The following RFX3 variants were observed in gnomAD, a reference collection of about 807,000 sequenced individuals.
The protein encoded by RFX3 is transcription factor RFX3.
Under a neutral mutation model 98.6 loss-of-function variants are expected in RFX3, and 14 were observed. The ratio of observed to expected loss-of-function variants is 0.14; its 90% CI spans 0.09 to 0.22. The LOEUF (loss-of-function observed/expected upper bound fraction) is 0.22, where lower values mean the gene tolerates loss of function less well. Among genes scored for constraint, RFX3 ranks in the 10% least tolerant of loss-of-function variants. The pLI is 1.00. For missense variants in RFX3, 639 were observed against 926.9 expected (o/e 0.69, Z 4.03); for synonymous variants, 383 against 328.4 (o/e 1.17, Z -1.80).
intron 2 of RFX3, among the ~76,000 whole-genome samples, chr9:3,386,924 C>T (rs1016831926): frequency 6.6e-6 from 1 of 152,138 alleles, no homozygotes; most frequent in Non-Finnish European, 1.5e-5. Flanking sequence ...GAAGGTATCA[C>T]AAATGAGTCA....
At chr9:3,350,213 C>G (rs562064363) in intron 2 of RFX3, among the ~76,000 whole-genome samples, 4 of 152,092 alleles carry the variant, frequency 2.6e-5, no homozygotes, top group Admixed American at 6.6e-5. Context: ...ATTTGCAATA[C>G]TGATCTGATT....
At chr9:3,484,267 T>TA (rs1473318829) in intron 1 of RFX3, among the ~76,000 whole-genome samples, 1 of 152,170 alleles carries the variant, frequency 6.6e-6, no homozygotes, top group African/African-American at 2.4e-5. Context: ...ACATAAAAAT[T>TA]AAATGAGTTC....
chr9:3,503,843 T>C (rs1232896164), intron 1 of RFX3, among the ~76,000 whole-genome samples: 1 of 152,040 alleles, frequency 6.6e-6, no homozygotes, highest in Non-Finnish European at 1.5e-5. Flanking sequence ...AGCCATCATA[T>C]GCAAAGATTC....
At chr9:3,485,641 A>T (rs1368066185) in intron 1 of RFX3, among the ~76,000 whole-genome samples, 1 of 152,184 alleles carries the variant, frequency 6.6e-6, no homozygotes, top group East Asian at 1.9e-4. Context: ...TCTGTCTATA[A>T]TCCCAAATTT....
At position 3,221,811 on chromosome 9, in the gene RFX3, A is replaced by C. The variant is rs1006274081; in HGVS notation, c.*3231T>G. On this transcript the variant is annotated 3_prime_UTR_variant, in exon 17 of 17. Transcript: ENST00000617270. ...ATGATACTCAATCCTATCATATGAA[A>C]ATATCTTTTCTGAAACTTGAAAACA... 1 of 152,320 alleles carries C rather than the reference A, an allele frequency of 6.6e-6. No homozygotes were observed. Among genetic ancestry groups the C allele is most frequent in the Admixed American group, 6.5e-5 (1 of 15,296 alleles). 9.4% of individuals were successfully genotyped at this position (152,320 alleles called of 1,614,324 possible).
intron 1 of RFX3, among the ~76,000 whole-genome samples, chr9:3,487,957 T>C (rs1850411087): frequency 6.6e-6 from 1 of 152,172 alleles, no homozygotes; most frequent in Admixed American, 6.6e-5. Context: ...AATAAGATGC[T>C]ACACACAAAA....
At chr9:3,315,364 A>T (rs1010918787) in intron 4 of RFX3, among the ~76,000 whole-genome samples, 2 of 152,244 alleles carry the variant, frequency 1.3e-5, no homozygotes, top group Non-Finnish European at 2.9e-5. Flanking sequence ...TCTAGGACAC[A>T]TTTAAAGCAG....
At chr9:3,494,908 T>C (rs530887058) in intron 1 of RFX3, among the ~76,000 whole-genome samples, 4 of 152,146 alleles carry the variant, frequency 2.6e-5, no homozygotes, top group African/African-American at 9.6e-5. Context: ...GAAGCATTTA[T>C]ATATAGTGTA....
chr9:3,274,104 A>C (rs577466605), intron 9 of RFX3, among the ~76,000 whole-genome samples: 30 of 152,302 alleles, frequency 2.0e-4, no homozygotes, highest in Admixed American at 1.5e-3. Context: ...ATTCCAAGGA[A>C]TGTTGGGAAC....
intron 1 of RFX3, among the ~76,000 whole-genome samples, chr9:3,459,862 A>G (rs1847530002): frequency 6.6e-6 from 1 of 152,058 alleles, no homozygotes; most frequent in Admixed American, 6.6e-5. Context: ...ACTCTAATAC[A>G]ATTTCATTTT....
intron 11 of RFX3, among the ~76,000 whole-genome samples, chr9:3,269,432 C>T (rs1197829960): frequency 2.0e-5 from 3 of 152,028 alleles, no homozygotes; most frequent in African/African-American, 7.2e-5. Context: ...TTGAAGTACA[C>T]AGTAGCCAAC....
At chr9:3,257,836 C>A (rs932528301) in intron 13 of RFX3, among the ~76,000 whole-genome samples, 1 of 152,114 alleles carries the variant, frequency 6.6e-6, no homozygotes, top group Non-Finnish European at 1.5e-5. Context: ...ACAACAACAA[C>A]AAAAACTCTT....
At chr9:3,444,361 A>G (rs1020435097) in intron 1 of RFX3, among the ~76,000 whole-genome samples, 1 of 152,190 alleles carries the variant, frequency 6.6e-6, no homozygotes, top group South Asian at 2.1e-4. Context: ...TGGAAAATGT[A>G]AACTAATACA....
intron 1 of RFX3, among the ~76,000 whole-genome samples, chr9:3,458,824 G>T (rs1318065455): frequency 2.0e-5 from 3 of 152,132 alleles, no homozygotes; most frequent in African/African-American, 7.2e-5. Context: ...AGTAAAGATG[G>T]ATATAGAAAC....
rs112757058 is a variant in RFX3 at position 3,345,154 on chromosome 9, G to A, written c.215+1513C>T. ...GAAGGATAAGCTAACTGCAGAGAAG[G>A]AGAGTCAGGGTCCATGTCACAAAGA... On this transcript the variant is annotated intron_variant, in intron 3 of 16. Coordinates refer to ENST00000617270, the MANE Select transcript of RFX3 (RefSeq NM_001282116.2). 8.3e-3 allele frequency among the ~76,000 whole-genome samples: 1,269 copies of A among 152,248 alleles called. 18 individuals are homozygous for A. Among genetic ancestry groups the A allele is most frequent in the African/African-American group, 0.029 (1,221 of 41,550 alleles).
intron 1 of RFX3, among the ~76,000 whole-genome samples, chr9:3,432,801 T>C (rs1182977049): frequency 6.6e-6 from 1 of 152,136 alleles, no homozygotes; most frequent in African/African-American, 2.4e-5. Flanking sequence ...TCAAGATAGC[T>C]TTTGGTTTCT....
intron 9 of RFX3, among the ~76,000 whole-genome samples, 158 bp from the exon 10 acceptor site, chr9:3,271,276 G>GAA (rs553071510): frequency 1.1e-4 from 15 of 134,740 alleles, no homozygotes; most frequent in African/African-American, 4.1e-4. Flanking sequence ...GGAAGTGGAA[G>GAA]AAAAAAAAAA....
At chr9:3,355,721 C>T (rs1046457528) in intron 2 of RFX3, among the ~76,000 whole-genome samples, 1 of 151,812 alleles carries the variant, frequency 6.6e-6, no homozygotes, top group Non-Finnish European at 1.5e-5. Context: ...TATGTAACAA[C>T]AGCAGAACAG....
intron 1 of RFX3, among the ~76,000 whole-genome samples, chr9:3,434,244 G>A (rs747148393): frequency 4.6e-5 from 7 of 152,036 alleles, no homozygotes; most frequent in Non-Finnish European, 8.8e-5. Context: ...TGTCTGACAC[G>A]TAATAAAGCA....
Sources: gnomAD v4.1 joint callset for allele counts (sites outside exome capture counted in the v4.1 genomes callset) on GRCh38, gnomAD v4.1.1 for gene constraint, MANE v1.5 for transcripts, NCBI Gene and HGNC (gene_info 2026-07-23, HGNC 2026-07-21) for gene names.